EBP: variants seen among roughly 807,000 people sequenced by gnomAD.
EBP encodes 3-beta-hydroxysteroid-Delta(8),Delta(7)-isomerase.
Under a neutral mutation model 14.1 loss-of-function variants are expected in EBP, and 1 was observed. The observed-to-expected ratio is 0.07, with a 90% confidence interval of 0.03 to 0.34. The LOEUF is 0.34. Ranked by LOEUF, EBP falls within the 10% of genes least tolerant of loss-of-function variation. EBP has a pLI of 0.99. For missense variants in EBP, 123 were observed against 184.6 expected (o/e 0.67, Z 1.93); for synonymous variants, 72 against 77.7 (o/e 0.93, Z 0.38).
chrX:48,522,006 C>CCA, intron 1 of EBP, 99 bp downstream of exon 1: 1 of 108,674 alleles, frequency 9.2e-6, no homozygotes, highest in Non-Finnish European at 1.9e-5. Context: ...GCCACCCGCC[C>CCA]CCCCCACCGC....
intron 1 of EBP, 146 bp downstream of exon 1, chrX:48,522,053 G>A (rs1455378913): frequency 1.1e-5 from 1 of 92,545 alleles, no homozygotes; most frequent in Non-Finnish European, 2.0e-5. Context: ...GCTACCGCAC[G>A]GTTGTCCAGA....
chrX:48,523,586 A>G lies in EBP; in HGVS notation c.-73-113A>G, dbSNP rs375662559. The G allele has an allele frequency of 2.1e-5, 10 of 472,177 alleles. No homozygotes were observed. The South Asian group carries it at 3.0e-4, about 14-fold the overall frequency. The allele number at this position is 472,177 out of a possible 1,213,427, so 38.9% of individuals were successfully genotyped here. A position where few individuals can be genotyped will look rare whatever the true frequency, so the allele number is the denominator to read the frequency against. On this transcript the variant is annotated intron_variant, in intron 1 of 4. Transcript: ENST00000495186. Reference sequence around the variant, plus strand: ...AAAAAAAAAACGGAATGTAATTAGAAGTGTTACAATCCTGTCTGTTAACTG... The same window carrying G: ...AAAAAAAAAACGGAATGTAATTAGAGGTGTTACAATCCTGTCTGTTAACTG...
intron 2 of EBP, among the ~76,000 whole-genome samples, chrX:48,526,488 G>A (rs111475833): frequency 0.089 from 9,787 of 109,642 alleles, 371 homozygotes; most frequent in Middle Eastern, 0.17. Flanking sequence ...GTGCCACCAC[G>A]TCCAGCTAAT....
rs144359050 is a variant in EBP at position 48,523,830 on chromosome X, A to C, written c.59A>C (p.Asn20Thr). The C allele has an allele frequency of 2.1e-4, 256 of 1,207,001 alleles. No individual in the cohort carries two copies. Among genetic ancestry groups the C allele is most frequent in the Non-Finnish European group, 2.8e-4 (254 of 894,535 alleles). ...PYWPQHLRLD[N>T]FVPNDRPTWH... ...TGGCCTCAGCACCTAAGACTGGACA[A>C]CTTTGTACCTAATGACCGCCCCACC... The change falls in exon 2 of 5, where the codon AAC becomes ACC. Residue 20 changes from asparagine to threonine, a missense_variant. Transcript: ENST00000495186.
At chrX:48,526,107 A>C (rs1378983311) in intron 2 of EBP, among the ~76,000 whole-genome samples, 1 of 107,983 alleles carries the variant, frequency 9.3e-6, no homozygotes. Flanking sequence ...AAAAAAAAAA[A>C]AAAAAACATT....
At chrX:48,524,152 ATTC>A (rs1431833976) in intron 2 of EBP, 80 bp downstream of exon 2, 27 of 915,087 alleles carry the variant, frequency 3.0e-5, no homozygotes, top group African/African-American at 1.2e-4. Context: ...CTATCCACCT[ATTC>A]TTCTTCCATT....
rs782316728 is a variant in EBP, at chrX:48,528,516, GTC to G, written c.*61_*62del. On this transcript the variant is annotated 3_prime_UTR_variant, in exon 5 of 5. Coordinates refer to ENST00000495186, the MANE Select transcript of EBP (RefSeq NM_006579.3). ...GAGGAGCTCTCTGCCTGCCAGAAGA[GTC>G]TAGTCCTGCTCCCACAGTTTGGAGG... 1.1e-5 allele frequency: 11 copies of G among 1,007,667 alleles called. No individual in the cohort carries two copies. Among genetic ancestry groups the G allele is most frequent in the Non-Finnish European group, 1.5e-5 (11 of 735,086 alleles). 83.0% of individuals were successfully genotyped at this position (1,007,667 alleles called of 1,213,427 possible). A position where few individuals can be genotyped will look rare whatever the true frequency, so the allele number is the denominator to read the frequency against.
At chrX:48,522,174 A>G (rs1602087402) in intron 1 of EBP, 1 of 112,592 alleles carries the variant, frequency 8.9e-6, no homozygotes, top group Non-Finnish European at 1.9e-5. Context: ...GCCTTTCAAT[A>G]TCCGTCTCTT....
At chrX:48,525,713 T>G (rs1269651521) in intron 2 of EBP, among the ~76,000 whole-genome samples, 1 of 109,861 alleles carries the variant, frequency 9.1e-6, no homozygotes, top group East Asian at 2.8e-4. Context: ...CATGATTTCA[T>G]AAAGAGCTTT....
Position 48,523,722 on chromosome X carries a change from T to TC in EBP, c.-50_-49insC. The TC allele has an allele frequency of 9.6e-7, 1 of 1,039,691 alleles. No homozygotes were observed. The highest frequency in any genetic ancestry group is 1.3e-6 in the Non-Finnish European group (1 of 779,296). The allele number at this position is 1,039,691 out of a possible 1,213,427, so 85.7% of individuals were successfully genotyped here. On this transcript the variant is annotated 5_prime_UTR_variant, in exon 2 of 5. Transcript: ENST00000495186. ...AGGTTTTTCTGTTCCTTTTTTTTTT[T>TC]TTTTTTTAACTTCCTGCCTATACAC...
intron 4 of EBP, 140 bp downstream of exon 4, chrX:48,527,425 G>A: frequency 2.0e-6 from 2 of 1,013,880 alleles, no homozygotes; most frequent in Non-Finnish European, 2.7e-6. Flanking sequence ...AACCCCCTGA[G>A]GCTCTGGAAA....
At chrX:48,526,876 C>A in intron 2 of EBP, 113 bp from the exon 3 acceptor site, 1 of 848,673 alleles carries the variant, frequency 1.2e-6, no homozygotes. Flanking sequence ...GATGAGGAAG[C>A]AGACGCATGG....
At chrX:48,522,008 C>A (rs1412301016) in intron 1 of EBP, 101 bp downstream of exon 1, 1 of 109,279 alleles carries the variant, frequency 9.2e-6, no homozygotes, top group Non-Finnish European at 1.9e-5. Context: ...CACCCGCCCC[C>A]CCCACCGCCC....
At position 48,524,226 on chromosome X, in the gene EBP, C is replaced by T. The variant is rs113786538; in HGVS notation, c.301+154C>T. On this transcript the variant is annotated intron_variant, in intron 2 of 4. Coordinates refer to ENST00000495186, the MANE Select transcript of EBP (RefSeq NM_006579.3). ...ATTTATTATAGGCCGGGCACAGTGG[C>T]TCACGCTTGTAATCCCAGCACTTTG... is the stretch of plus-strand genomic sequence containing the variant. Among the ~76,000 whole-genome samples the T allele has an allele frequency of 0.089, 9,951 of 111,578 alleles. 374 individuals are homozygous for T. The highest frequency in any genetic ancestry group is 0.15 in the Middle Eastern group (32 of 215).
chrX:48,523,711 CTTTTTT>C lies in EBP; in HGVS notation c.-48_-43del, dbSNP rs782299900. The C allele has an allele frequency of 2.7e-5, 23 of 860,247 alleles. No individual in the cohort carries two copies. The highest frequency in any genetic ancestry group is 2.5e-4 in the South Asian group (10 of 40,661). 70.9% of individuals were successfully genotyped at this position (860,247 alleles called of 1,213,427 possible). On this transcript the variant is annotated 5_prime_UTR_variant, in exon 2 of 5. Transcript: ENST00000495186. ...TCTATTTGTCCAGGTTTTTCTGTTC[CTTTTTT>C]TTTTTTTTTTTTAACTTCCTGCCTA... is the stretch of plus-strand genomic sequence containing the variant.
chrX:48,528,675 T>G lies in EBP; in HGVS notation c.*218T>G. On this transcript the variant is annotated 3_prime_UTR_variant, in exon 5 of 5. Coordinates refer to ENST00000495186, the MANE Select transcript of EBP (RefSeq NM_006579.3). The stretch of plus-strand genomic sequence containing the variant: ...AGAGAAGCCAGGAGGTCTATGATGG[T>G]GACGATTTTTAAAATCAGGAAATAA... The G allele has an allele frequency of 2.3e-6, 1 of 437,976 alleles. No homozygotes were observed. Among genetic ancestry groups the G allele is most frequent in the Non-Finnish European group, 4.0e-6 (1 of 251,544 alleles). The allele number at this position is 437,976 out of a possible 1,213,427, so 36.1% of individuals were successfully genotyped here.
intron 2 of EBP, among the ~76,000 whole-genome samples, chrX:48,526,477 C>T (rs1602090202): frequency 9.1e-6 from 1 of 109,533 alleles, no homozygotes; most frequent in African/African-American, 3.3e-5. Context: ...ACTGTAGGCA[C>T]GTGCCACCAC....
chrX:48,523,330 G>A (rs1052173611), intron 1 of EBP, among the ~76,000 whole-genome samples: 7 of 110,763 alleles, frequency 6.3e-5, no homozygotes, highest in Admixed American at 5.8e-4. Context: ...TGAGGCGGGC[G>A]GATCGTGAGG....
intron 1 of EBP, 146 bp from the exon 2 acceptor site, chrX:48,523,553 G>GAA (rs782437115): frequency 0.03 from 7,600 of 253,483 alleles, no homozygotes; most frequent in Non-Finnish European, 0.033. Context: ...GACTCCGTCT[G>GAA]AAAAAAAAAA....
Sources: gnomAD v4.1 joint callset for allele counts (sites outside exome capture counted in the v4.1 genomes callset) on GRCh38, gnomAD v4.1.1 for gene constraint, MANE v1.5 for transcripts, NCBI Gene and HGNC (gene_info 2026-07-23, HGNC 2026-07-21) for gene names.